The following MRTFA variants were observed in gnomAD, a reference collection of about 807,000 sequenced individuals.
MRTFA encodes the protein myocardin-related transcription factor A.
MRTFA carries 20 observed loss-of-function variants against 83.5 expected under a neutral mutation model. That is an observed-to-expected ratio of 0.24 (90% CI 0.17 to 0.35). The LOEUF is 0.35. MRTFA is among the 10% of genes least tolerant of loss of function. The pLI is 1.00. For synonymous variants in MRTFA, 659 were observed against 541.2 expected, an observed-to-expected ratio of 1.22 and a Z score of -3.02; for missense variants, 1,200 against 1,224.7, an observed-to-expected ratio of 0.98 and a Z score of 0.30.
chr22:40,518,997 G>A (rs1295976309), intron 3 of MRTFA, among the ~76,000 whole-genome samples: 2 of 150,396 alleles, frequency 1.3e-5, no homozygotes, highest in Non-Finnish European at 3.0e-5. Context: ...GGTGGTGGTG[G>A]TGGTGGTTTT....
At chr22:40,596,621 G>C (rs1295819456) in intron 1 of MRTFA, among the ~76,000 whole-genome samples, 1 of 152,164 alleles carries the variant, frequency 6.6e-6, no homozygotes, top group Non-Finnish European at 1.5e-5. Flanking sequence ...GGCCAACATG[G>C]TGAAACCCTG....
At chr22:40,440,933 C>T (rs1010792091) in intron 4 of MRTFA, among the ~76,000 whole-genome samples, 18 of 152,178 alleles carry the variant, frequency 1.2e-4, no homozygotes, top group African/African-American at 3.4e-4. Flanking sequence ...TGTCCAACTA[C>T]GAGGGCTGCA....
At chr22:40,454,143 G>A (rs1193707423) in intron 4 of MRTFA, among the ~76,000 whole-genome samples, 1 of 152,158 alleles carries the variant, frequency 6.6e-6, no homozygotes, top group East Asian at 1.9e-4. Context: ...CCTTTTGGGT[G>A]GGGGTGTGAG....
intron 1 of MRTFA, among the ~76,000 whole-genome samples, chr22:40,614,679 G>C (rs916622776): frequency 8.5e-5 from 13 of 152,050 alleles, no homozygotes; most frequent in African/African-American, 3.1e-4. Context: ...TAGAGACGAG[G>C]TTTCTCCATG....
At chr22:40,570,214 T>C (rs1681473117) in intron 2 of MRTFA, among the ~76,000 whole-genome samples, 1 of 151,732 alleles carries the variant, frequency 6.6e-6, no homozygotes, top group Non-Finnish European at 1.5e-5. Flanking sequence ...CTAAGTGGGG[T>C]CATGTGACTA....
chr22:40,473,411 G>A (rs1008498069), intron 3 of MRTFA, among the ~76,000 whole-genome samples: 3 of 152,024 alleles, frequency 2.0e-5, no homozygotes, highest in African/African-American at 7.3e-5. Context: ...CTCCCACTTC[G>A]GCCTCCCAAA....
At chr22:40,450,112 T>A (rs891784613) in intron 4 of MRTFA, among the ~76,000 whole-genome samples, 1 of 152,226 alleles carries the variant, frequency 6.6e-6, no homozygotes, top group Admixed American at 6.5e-5. Flanking sequence ...GGATTCCATA[T>A]CCGGGTAGAT....
At chr22:40,539,262 C>T (rs1320910728) in intron 3 of MRTFA, among the ~76,000 whole-genome samples, 1 of 151,638 alleles carries the variant, frequency 6.6e-6, no homozygotes, top group South Asian at 2.1e-4. Flanking sequence ...GGCCTCCCAA[C>T]GTGTTGGGAA....
chr22:40,568,246 ACT>A (rs1309651199), intron 2 of MRTFA, among the ~76,000 whole-genome samples: 2 of 152,220 alleles, frequency 1.3e-5, no homozygotes, highest in Non-Finnish European at 2.9e-5. Flanking sequence ...TTCCAATTAC[ACT>A]TTAATTATAA....
intron 3 of MRTFA, among the ~76,000 whole-genome samples, chr22:40,471,219 T>TAAAA (rs61206773): frequency 7.0e-5 from 3 of 42,668 alleles, no homozygotes; most frequent in Non-Finnish European, 1.2e-4. Context: ...CTGTTTCTAT[T>TAAAA]AAAAAAAAAA....
chr22:40,506,243 CA>C (rs1038878163), intron 3 of MRTFA, among the ~76,000 whole-genome samples: 2 of 149,488 alleles, frequency 1.3e-5, no homozygotes, highest in East Asian at 2.0e-4. Context: ...ACTCTTATCT[CA>C]AAAAAAAATA....
intron 3 of MRTFA, among the ~76,000 whole-genome samples, chr22:40,520,793 G>C (rs536433284): frequency 3.0e-4 from 45 of 152,100 alleles, no homozygotes; most frequent in African/African-American, 1.0e-3. Flanking sequence ...ACCATATTTT[G>C]TTTATTCATC....
At chr22:40,420,745 G>T in intron 10 of MRTFA, 102 bp downstream of exon 10, 1 of 1,559,426 alleles carries the variant, frequency 6.4e-7, no homozygotes, top group East Asian at 2.2e-5. Flanking sequence ...CAGACCAGCG[G>T]GTCCTTAAAG....
intron 4 of MRTFA, among the ~76,000 whole-genome samples, chr22:40,459,934 G>A (rs532143010): frequency 1.4e-5 from 2 of 146,004 alleles, no homozygotes; most frequent in African/African-American, 2.5e-5. Flanking sequence ...GCAGATAACC[G>A]CAATAACCAA....
intron 3 of MRTFA, among the ~76,000 whole-genome samples, chr22:40,528,581 T>C (rs2147271645): frequency 6.6e-6 from 1 of 151,790 alleles, no homozygotes; most frequent in Non-Finnish European, 1.5e-5. Context: ...CTACTAAAAA[T>C]ACAAAATCAG....
At chr22:40,612,512 G>A (rs1287073097) in intron 1 of MRTFA, among the ~76,000 whole-genome samples, 2 of 152,148 alleles carry the variant, frequency 1.3e-5, no homozygotes, top group African/African-American at 2.4e-5. Flanking sequence ...AGTCCACAGA[G>A]TATTGACCTG....
At chr22:40,433,808 CTAAGA>C (rs1050001160) in intron 5 of MRTFA, among the ~76,000 whole-genome samples, 5 of 152,130 alleles carry the variant, frequency 3.3e-5, no homozygotes, top group Admixed American at 6.5e-5. Flanking sequence ...CATATCTCAA[CTAAGA>C]TAATTTTTAG....
chr22:40,580,860 G>A (rs1017640582), intron 2 of MRTFA, among the ~76,000 whole-genome samples: 4 of 152,212 alleles, frequency 2.6e-5, no homozygotes, highest in Non-Finnish European at 4.4e-5. Context: ...CAATTGTCCC[G>A]TCTCATCCTT....
chr22:40,554,638 G>A (rs1299805946), intron 2 of MRTFA, among the ~76,000 whole-genome samples: 1 of 152,114 alleles, frequency 6.6e-6, no homozygotes, highest in Admixed American at 6.5e-5. Flanking sequence ...CCCAATCTTG[G>A]GCAGTTCTTT....
Sources: allele counts gnomAD v4.1 joint callset (sites outside exome capture counted in the v4.1 genomes callset), GRCh38; gene constraint gnomAD v4.1.1; transcripts MANE v1.5; gene names NCBI Gene and HGNC (gene_info 2026-07-23, HGNC 2026-07-21).